The following PKHD1 variants were observed in gnomAD, a reference collection of about 807,000 sequenced individuals.
The protein encoded by PKHD1 is PKHD1 ciliary IPT domain containing fibrocystin/polyductin.
In PKHD1, 291 loss-of-function variants were observed where a neutral mutation model predicts 412.0. That is an observed-to-expected ratio of 0.71 (90% CI 0.64 to 0.78). The LOEUF is 0.78. Among genes scored for constraint, PKHD1 ranks in the 30% least tolerant of loss-of-function variants. The pLI is 0.00. For missense variants in PKHD1, 4,825 were observed against 4,950.7 expected (o/e 0.97, Z 0.76); for synonymous variants, 1,777 against 1,821.5 (o/e 0.98, Z 0.62).
Position 52,059,997 on chromosome 6 carries a change from G to A in PKHD1, c.1164C>T (p.Tyr388=). 2 of 1,611,490 alleles carry A rather than the reference G, an allele frequency of 1.2e-6. No homozygotes were observed. Among genetic ancestry groups the A allele is most frequent in the Non-Finnish European group, 1.7e-6 (2 of 1,177,616 alleles). Residue 388 remains tyrosine, a synonymous_variant, in exon 15 of 67, where the codon TAC becomes TAT. Coordinates refer to ENST00000371117, the MANE Select transcript of PKHD1 (RefSeq NM_138694.4). ...GGCTATCTGCCTGAATCCAGAAAGT[G>A]TAATTATTTGTCTCTGGAGCCACAA... ...GFFVAPETNN[Y]TFWIQADSQA...
chr6:51,941,346 C>T (rs1353336854), intron 36 of PKHD1, among the ~76,000 whole-genome samples: 1 of 138,170 alleles, frequency 7.2e-6, no homozygotes, highest in Non-Finnish European at 1.5e-5. Context: ...AGCTCCGCTT[C>T]CCGGGTTCAC....
intron 61 of PKHD1, among the ~76,000 whole-genome samples, chr6:51,654,738 G>T (rs535718574): frequency 6.6e-6 from 1 of 151,930 alleles, no homozygotes; most frequent in African/African-American, 2.4e-5. Flanking sequence ...AAGATTTAGT[G>T]GTCTGGCACC....
chr6:51,991,318 G>A (rs972498408), intron 35 of PKHD1, among the ~76,000 whole-genome samples: 4 of 152,140 alleles, frequency 2.6e-5, no homozygotes, highest in African/African-American at 9.7e-5. Flanking sequence ...TGTGTATTGT[G>A]CTCTAATTTT....
At chr6:51,668,047 A>G (rs990206817) in intron 60 of PKHD1, among the ~76,000 whole-genome samples, 10 of 152,116 alleles carry the variant, frequency 6.6e-5, no homozygotes, top group Admixed American at 2.0e-4. Context: ...TTGGTTCCAT[A>G]TGAACTTTAA....
At chr6:51,718,579 A>C (rs1351034459) in intron 60 of PKHD1, among the ~76,000 whole-genome samples, 3 of 152,176 alleles carry the variant, frequency 2.0e-5, no homozygotes, top group Non-Finnish European at 4.4e-5. Context: ...ATTACTGATG[A>C]GATCTGAAGT....
intron 16 of PKHD1, among the ~76,000 whole-genome samples, chr6:52,058,038 G>A (rs929898598): frequency 2.6e-5 from 4 of 152,174 alleles, no homozygotes; most frequent in African/African-American, 7.2e-5. Flanking sequence ...CATGTCGGGC[G>A]TGTGTTTAGA....
chr6:52,080,753 A>ATGTT (rs1811915585), intron 4 of PKHD1, among the ~76,000 whole-genome samples: 1 of 152,194 alleles, frequency 6.6e-6, no homozygotes, highest in African/African-American at 2.4e-5. Flanking sequence ...ATGCACACTA[A>ATGTT]ATTTTGAAGA....
chr6:51,768,358 A>G (rs1789489761), intron 55 of PKHD1, among the ~76,000 whole-genome samples: 1 of 152,036 alleles, frequency 6.6e-6, no homozygotes, highest in Non-Finnish European at 1.5e-5. Flanking sequence ...TGAACCATCA[A>G]ATTTTTGTTA....
intron 64 of PKHD1, among the ~76,000 whole-genome samples, chr6:51,635,782 GGGGGGAGAATATT>G (rs1768455853): frequency 6.7e-6 from 1 of 148,202 alleles, no homozygotes; most frequent in Admixed American, 6.9e-5. Flanking sequence ...GTGACTTTCT[GGGGGGAGAATATT>G]CCAACCAAGG....
chr6:51,727,416 A>T (rs1208167771), intron 60 of PKHD1, among the ~76,000 whole-genome samples: 1 of 152,174 alleles, frequency 6.6e-6, no homozygotes, highest in Non-Finnish European at 1.5e-5. Context: ...AGTATATTTT[A>T]AAAGGCTTTG....
intron 52 of PKHD1, among the ~76,000 whole-genome samples, chr6:51,815,997 C>T (rs532926588): frequency 9.2e-4 from 140 of 152,138 alleles, no homozygotes; most frequent in Non-Finnish European, 1.6e-3. Flanking sequence ...AAAAAGGATG[C>T]TTGCCATAGT....
intron 35 of PKHD1, among the ~76,000 whole-genome samples, chr6:51,960,572 C>G (rs1159503164): frequency 1.3e-5 from 2 of 152,124 alleles, no homozygotes; most frequent in Non-Finnish European, 2.9e-5. Flanking sequence ...TAGGAACATT[C>G]CTCTTCCTAA....
At chr6:51,957,676 G>A (rs1305467456) in intron 36 of PKHD1, among the ~76,000 whole-genome samples, 1 of 152,068 alleles carries the variant, frequency 6.6e-6, no homozygotes, top group African/African-American at 2.4e-5. Flanking sequence ...TTTTTGGTCT[G>A]AGCCACTGGA....
At chr6:52,023,061 T>C in intron 32 of PKHD1, 117 bp from the exon 33 acceptor site, 1 of 1,205,636 alleles carries the variant, frequency 8.3e-7, no homozygotes, top group Non-Finnish European at 1.2e-6. Flanking sequence ...ATCCTCAGAA[T>C]CCGCACAACT....
intron 62 of PKHD1, 138 bp downstream of exon 62, chr6:51,648,947 G>A (rs1770496302): frequency 1.3e-6 from 1 of 797,478 alleles, no homozygotes; most frequent in Non-Finnish European, 2.2e-6. Context: ...TGAAAGTAGT[G>A]AGAAGCTCTA....
In PKHD1 at chr6:51,900,383, T is replaced by A. The variant is rs552435288; in HGVS notation, c.6996+3214A>T. Among the ~76,000 whole-genome samples, 375 of 152,308 alleles carry A rather than the reference T, an allele frequency of 2.5e-3. 3 individuals carry two copies. The highest frequency in any genetic ancestry group is 8.1e-3 in the African/African-American group (335 of 41,568). ...ATAACGCTGCATATCTACAACTATC[T>A]GATCTTTGACAAACCTGAGAAAAAC... On this transcript the variant is annotated intron_variant, in intron 43 of 66. Coordinates refer to ENST00000371117, the MANE Select transcript of PKHD1 (RefSeq NM_138694.4).
rs1296607866 is a variant in PKHD1, at chr6:52,058,405, C to A, written c.1430G>T (p.Trp477Leu). ...MRIGVQIHNT[W>L]LNPDVVTTYL... is the part of the protein sequence containing the mutation. ...AGTGGTGACCACATCAGGATTCAGC[C>A]AGGTGTTGTGAATCTGGACACCAAT... is the stretch of plus-strand genomic sequence containing the variant. Residue 477 changes from tryptophan (W) to leucine (L), a missense_variant, in exon 16 of 67, where the codon TGG (tryptophan) becomes TTG (leucine). Physicochemically the swap from Trp to Leu is moderately conservative, Grantham distance 61 (BLOSUM62 -2). Coordinates refer to ENST00000371117, the MANE Select transcript of PKHD1 (RefSeq NM_138694.4). 6.2e-7 allele frequency: 1 copy of A among 1,614,126 alleles called. No homozygotes were observed.
intron 66 of PKHD1, among the ~76,000 whole-genome samples, chr6:51,621,191 T>C (rs563682796): frequency 1.3e-5 from 2 of 152,298 alleles, no homozygotes; most frequent in East Asian, 3.9e-4. Context: ...TCTTAGGAAT[T>C]TGAGTTCCTT....
chr6:51,998,905 C>G (rs1798033667), intron 35 of PKHD1, among the ~76,000 whole-genome samples: 1 of 152,162 alleles, frequency 6.6e-6, no homozygotes, highest in Non-Finnish European at 1.5e-5. Flanking sequence ...CAGAAAGGGA[C>G]TTTGTGGCAT....
Sources: gnomAD v4.1 joint callset for allele counts (sites outside exome capture counted in the v4.1 genomes callset) on GRCh38, gnomAD v4.1.1 for gene constraint, MANE v1.5 for transcripts, NCBI Gene and HGNC (gene_info 2026-07-23, HGNC 2026-07-21) for gene names.